ROBO2: variants seen among roughly 807,000 people sequenced by gnomAD.
The protein encoded by ROBO2 is roundabout homolog 2.
Under a neutral mutation model 160.8 loss-of-function variants are expected in ROBO2, and 53 were observed. That is an observed-to-expected ratio of 0.33 (90% confidence interval 0.26 to 0.41). The LOEUF is 0.41. Among genes scored for constraint, ROBO2 ranks in the 10% least tolerant of loss-of-function variants. The pLI is 1.00. For synonymous variants in ROBO2, 664 were observed against 611.7 expected (o/e 1.09, Z -1.26); for missense variants, 1,577 against 1,722.4 (o/e 0.92, Z 1.49).
chr3:77,233,936 A>C (rs1046603985), intron 2 of ROBO2, among the ~76,000 whole-genome samples: 6 of 152,156 alleles, frequency 3.9e-5, no homozygotes, highest in Non-Finnish European at 7.4e-5. Context: ...AAATATGCAT[A>C]CTGTATTTGT....
At chr3:77,312,384 T>C (rs2063625008) in intron 2 of ROBO2, among the ~76,000 whole-genome samples, 1 of 152,188 alleles carries the variant, frequency 6.6e-6, no homozygotes, top group South Asian at 2.1e-4. Flanking sequence ...CCTGTATTAT[T>C]TGGAAGCATT....
At chr3:76,749,160 A>G (rs1407203684) in intron 2 of ROBO2, among the ~76,000 whole-genome samples, 1 of 151,922 alleles carries the variant, frequency 6.6e-6, no homozygotes, top group Non-Finnish European at 1.5e-5. Context: ...GTTAATAAAT[A>G]TAATCTTTCA....
intron 2 of ROBO2, among the ~76,000 whole-genome samples, chr3:77,358,688 G>A (rs1363502431): frequency 6.6e-6 from 1 of 152,194 alleles, no homozygotes; most frequent in Non-Finnish European, 1.5e-5. Flanking sequence ...CATCATTTAA[G>A]TGTTTAGCAA....
At chr3:76,469,238 A>G (rs1307249378) in intron 2 of ROBO2, among the ~76,000 whole-genome samples, 4 of 152,090 alleles carry the variant, frequency 2.6e-5, no homozygotes, top group Non-Finnish European at 5.9e-5. Context: ...GATGATGACA[A>G]TGATGAGGAT....
intron 1 of ROBO2, among the ~76,000 whole-genome samples, chr3:75,916,988 TATATAC>T (rs904297626): frequency 2.0e-4 from 8 of 40,252 alleles, no homozygotes; most frequent in Non-Finnish European, 4.5e-4. Context: ...TTTCTATATA[TATATAC>T]ACACACACAT....
At position 77,518,712 on chromosome 3, in the gene ROBO2, T is replaced by C. The variant is rs374527708; in HGVS notation, c.807-4063T>C. On this transcript the variant is annotated intron_variant, in intron 5 of 25. Coordinates refer to ENST00000461745, the Ensembl canonical transcript of ROBO2. The stretch of plus-strand genomic sequence containing the variant: ...TGTCATCAGCATTTCTTGAATAAAA[T>C]AATGAAATGTTTATTATAATCTTTT... Among the ~76,000 whole-genome samples the C allele has an allele frequency of 9.2e-5, 14 of 151,416 alleles. No homozygotes were observed. In the East Asian group the frequency reaches 1.6e-3, roughly 17 times the overall value.
chr3:76,349,353 A>G (rs1576591741), intron 2 of ROBO2, among the ~76,000 whole-genome samples: 1 of 152,128 alleles, frequency 6.6e-6, no homozygotes, highest in Non-Finnish European at 1.5e-5. Context: ...TTAAACATCT[A>G]TGAAATCTGA....
intron 16 of ROBO2, among the ~76,000 whole-genome samples, chr3:77,583,177 A>G (rs1312371602): frequency 6.8e-6 from 1 of 147,038 alleles, no homozygotes; most frequent in Non-Finnish European, 1.5e-5. Context: ...AAAAAAAAGG[A>G]AAAAACATTT....
intron 2 of ROBO2, among the ~76,000 whole-genome samples, chr3:76,426,095 C>T (rs1023704727): frequency 1.3e-5 from 2 of 152,104 alleles, no homozygotes; most frequent in African/African-American, 4.8e-5. Flanking sequence ...CGTTATAACA[C>T]AGGCAGAAAG....
chr3:77,561,465 T>G (rs1402716492), intron 9 of ROBO2, among the ~76,000 whole-genome samples: 3 of 152,180 alleles, frequency 2.0e-5, no homozygotes, highest in Non-Finnish European at 4.4e-5. Flanking sequence ...TTGCCTCTTT[T>G]ATTGATCTTG....
intron 2 of ROBO2, among the ~76,000 whole-genome samples, chr3:76,289,524 T>G (rs760722190): frequency 7.9e-5 from 12 of 152,126 alleles, no homozygotes; most frequent in Non-Finnish European, 1.5e-4. Context: ...TATGGTTTTC[T>G]TTGCAATTGC....
At chr3:77,382,041 T>C (rs941222091) in intron 2 of ROBO2, among the ~76,000 whole-genome samples, 2 of 152,160 alleles carry the variant, frequency 1.3e-5, no homozygotes, top group African/African-American at 4.8e-5. Context: ...TCCTTGATGT[T>C]TGCAGAGAAC....
rs567367212 is a variant in ROBO2, at chr3:77,226,639, G to A, written c.388+128299G>A. Among the ~76,000 whole-genome samples, 42 of 152,176 alleles carry A rather than the reference G, an allele frequency of 2.8e-4. 1 individual carries two copies. In the South Asian group the frequency reaches 8.5e-3, roughly 31 times the overall value. On this transcript the variant is annotated intron_variant, in intron 2 of 25. Transcript: ENST00000461745. Reference sequence around the variant, plus strand: ...TGGGGTTATGTCCTGATAAACTCAAGGTAAGCTGGAAATATTGTAAGTCAA... The same window carrying A: ...TGGGGTTATGTCCTGATAAACTCAAAGTAAGCTGGAAATATTGTAAGTCAA...
At chr3:76,430,190 T>C (rs892023885) in intron 2 of ROBO2, among the ~76,000 whole-genome samples, 2 of 152,280 alleles carry the variant, frequency 1.3e-5, no homozygotes, top group East Asian at 1.9e-4. Context: ...TATGTTTCTT[T>C]TGTAGAATCT....
intron 2 of ROBO2, among the ~76,000 whole-genome samples, chr3:76,036,163 T>G (rs1453303235): frequency 6.6e-6 from 1 of 152,032 alleles, no homozygotes; most frequent in Non-Finnish European, 1.5e-5. Context: ...GCTCACTTTT[T>G]TTTTGAGACC....
At chr3:76,512,754 A>G (rs561015603) in intron 2 of ROBO2, among the ~76,000 whole-genome samples, 13 of 152,296 alleles carry the variant, frequency 8.5e-5, no homozygotes, top group Admixed American at 3.9e-4. Context: ...TATGAAATAT[A>G]AATAAATTTC....
intron 6 of ROBO2, 34 bp downstream of exon 6, chr3:77,522,936 C>G (rs1316462778): frequency 1.2e-6 from 2 of 1,606,678 alleles, no homozygotes; most frequent in African/African-American, 2.7e-5. Flanking sequence ...ATAATTGAAC[C>G]AGGAGACTAA....
At chr3:76,286,492 TA>T (rs1332827854) in intron 2 of ROBO2, among the ~76,000 whole-genome samples, 1 of 152,108 alleles carries the variant, frequency 6.6e-6, no homozygotes, top group Non-Finnish European at 1.5e-5. Context: ...GGGACAATAT[TA>T]ATTTTCATTT....
chr3:77,253,823 G>C (rs761128291), intron 2 of ROBO2, among the ~76,000 whole-genome samples: 2 of 151,880 alleles, frequency 1.3e-5, no homozygotes, highest in African/African-American at 2.4e-5. Flanking sequence ...TAGAAATAGA[G>C]GTAAAGAAAT....
Sources: gnomAD v4.1 joint callset for allele counts (sites outside exome capture counted in the v4.1 genomes callset) on GRCh38, gnomAD v4.1.1 for gene constraint, MANE v1.5 for transcripts, NCBI Gene and HGNC (gene_info 2026-07-23, HGNC 2026-07-21) for gene names.